FLI1: variants seen among roughly 807,000 people sequenced by gnomAD.
The protein encoded by FLI1 is Friend leukemia integration 1 transcription factor.
FLI1 carries 13 observed loss-of-function variants against 53.1 expected under a neutral mutation model. The observed-to-expected ratio is 0.24, with a 90% CI of 0.16 to 0.39. The LOEUF is 0.39. Among genes scored for constraint, FLI1 ranks in the 10% least tolerant of loss-of-function variants. FLI1 has a pLI of 1.00. For missense variants in FLI1, 424 were observed against 600.5 expected (o/e 0.71, Z 3.07); for synonymous variants, 244 against 236.7 (o/e 1.03, Z -0.28).
At position 128,810,905 on chromosome 11, in the gene FLI1, C is replaced by T. The variant is rs1235520274; in HGVS notation, c.1276C>T (p.Pro426Ser). Reference protein sequence around the residue: ...FGAASQYWTSPTGGIYPNPNV... With the variant: ...FGAASQYWTSSTGGIYPNPNV... Reference sequence around the variant, plus strand: ...AGCCGCATCACAATACTGGACCTCCCCCACGGGGGGAATCTACCCCAACCC... The same window carrying T: ...AGCCGCATCACAATACTGGACCTCCTCCACGGGGGGAATCTACCCCAACCC... The change falls in exon 9 of 9, where the codon CCC (proline) becomes TCC (serine). Residue 426 changes from proline (P) to serine (S), a missense_variant. Pro to Ser is a moderately conservative substitution (Grantham distance 74). Coordinates refer to ENST00000527786, the MANE Select transcript of FLI1 (RefSeq NM_002017.5). This position sits in a 1 kb window ranked among gnomAD's most constrained non-coding sequence, Gnocchi z 6.6. The T allele has an allele frequency of 3.7e-6, 6 of 1,613,934 alleles. No individual in the cohort carries two copies. Among genetic ancestry groups the T allele is most frequent in the Non-Finnish European group, 5.1e-6 (6 of 1,179,910 alleles).
chr11:128,764,978 G>A (rs1941275500), intron 2 of FLI1, among the ~76,000 whole-genome samples: 1 of 151,954 alleles, frequency 6.6e-6, no homozygotes. Context: ...TTTTCCAGAG[G>A]AGAAACACCC....
intron 5 of FLI1, among the ~76,000 whole-genome samples, chr11:128,787,784 A>G (rs1041361603): frequency 6.6e-6 from 1 of 150,556 alleles, no homozygotes; most frequent in African/African-American, 2.4e-5. Context: ...AGTAATTAAC[A>G]TTATTATTGA....
At position 128,801,037 on chromosome 11, in the gene FLI1, C is replaced by T. The variant is rs149662353; in HGVS notation, c.656-4329C>T. 2.0e-3 allele frequency among the ~76,000 whole-genome samples: 299 copies of T among 152,368 alleles called. 1 individual carries two copies. The highest frequency in any genetic ancestry group is 3.8e-3 in the Non-Finnish European group (256 of 68,032). On this transcript the variant is annotated intron_variant, in intron 5 of 8. Transcript: ENST00000527786. ...ATTAAGCCATCTGCCACCACAGAAACAGACCAAGATCATCAACTGGTACAC... is the reference window on the plus strand; with the variant it reads ...ATTAAGCCATCTGCCACCACAGAAATAGACCAAGATCATCAACTGGTACAC...
chr11:128,790,706 G>GTCCAC (rs1351309757), intron 5 of FLI1, among the ~76,000 whole-genome samples: 3 of 152,178 alleles, frequency 2.0e-5, no homozygotes, highest in African/African-American at 7.2e-5. Flanking sequence ...CTGAGTATCA[G>GTCCAC]TCCACTGCCT....
intron 2 of FLI1, among the ~76,000 whole-genome samples, chr11:128,758,954 T>A (rs1941001778): frequency 6.6e-6 from 1 of 152,194 alleles, no homozygotes; most frequent in Non-Finnish European, 1.5e-5. Flanking sequence ...GGCCTCAGTT[T>A]TGCGTCCTGC....
In FLI1 at chr11:128,721,305, C is replaced by T. The variant is rs888132819; in HGVS notation, c.18+27029C>T. Among the ~76,000 whole-genome samples the T allele has an allele frequency of 3.9e-5, 6 of 152,166 alleles. No homozygotes were observed. The South Asian group carries it at 8.3e-4, about 21-fold the overall frequency. On this transcript the variant is annotated intron_variant, in intron 1 of 8. Transcript: ENST00000527786. ...TACTTGGCACCTCCTATTCTCAGCA[C>T]GGTGTAGAATATAGGGATGGAAGAA...
At chr11:128,774,497 C>T (rs1941675167) in intron 4 of FLI1, among the ~76,000 whole-genome samples, 1 of 152,142 alleles carries the variant, frequency 6.6e-6, no homozygotes, top group Non-Finnish European at 1.5e-5. Flanking sequence ...GAACAGAGTC[C>T]TGCAGTGATC....
At chr11:128,692,966 G>A (rs1408521493), upstream of FLI1, 1 of 152,478 alleles carries the variant, frequency 6.6e-6, no homozygotes, top group Non-Finnish European at 1.5e-5. Flanking sequence ...ACGGTCCAGA[G>A]CGCGGGCCTC....
rs1185793989 is a variant in FLI1 at position 128,812,456 on chromosome 11, T to G, written c.*1468T>G. ...TTTCTTATTTACCGCCCCCGTTAGG[T>G]CAAAGGGTTTTCCCTGGGGAACTTT... On this transcript the variant is annotated 3_prime_UTR_variant, in exon 9 of 9. Coordinates refer to ENST00000527786, the MANE Select transcript of FLI1 (RefSeq NM_002017.5). The G allele has an allele frequency of 6.6e-5, 15 of 225,686 alleles. No individual in the cohort carries two copies. Among genetic ancestry groups the G allele is most frequent in the Non-Finnish European group, 1.1e-4 (12 of 113,330 alleles). The allele number at this position is 225,686 out of a possible 1,614,324, so 14.0% of individuals were successfully genotyped here. A position where few individuals can be genotyped will look rare whatever the true frequency, so the allele number is the denominator to read the frequency against.
chr11:128,734,756 C>T (rs1024496747), intron 1 of FLI1, among the ~76,000 whole-genome samples: 2 of 152,150 alleles, frequency 1.3e-5, no homozygotes, highest in East Asian at 1.9e-4. Context: ...CAGTGCATGC[C>T]ATCAATCAGC....
intron 1 of FLI1, among the ~76,000 whole-genome samples, chr11:128,738,978 G>T (rs536038208): frequency 6.6e-6 from 1 of 152,322 alleles, no homozygotes; most frequent in African/African-American, 2.4e-5. Context: ...GCTTGGTTTT[G>T]CATTTTCCCT....
At position 128,795,559 on chromosome 11, in the gene FLI1, A is replaced by ATTTTT. The variant is rs33948261; in HGVS notation, c.656-9793_656-9789dup. On this transcript the variant is annotated intron_variant, in intron 5 of 8. Coordinates refer to ENST00000527786, the MANE Select transcript of FLI1 (RefSeq NM_002017.5). The stretch of plus-strand genomic sequence containing the variant: ...AGGATGCGTTAGAATATAGAAAGCA[A>ATTTTT]TTTTTTTTTTTTTTTTTTGAGACAG... 1.1e-3 allele frequency among the ~76,000 whole-genome samples: 145 copies of ATTTTT among 136,430 alleles called. 3 individuals carry two copies. Among genetic ancestry groups the ATTTTT allele is most frequent in the African/African-American group, 3.8e-3 (137 of 36,082 alleles). The allele number at this position is 136,430 out of a possible 152,430, so 89.5% of individuals were successfully genotyped here.
At chr11:128,741,114 C>T (rs1293686364) in intron 1 of FLI1, among the ~76,000 whole-genome samples, 1 of 152,214 alleles carries the variant, frequency 6.6e-6, no homozygotes, top group East Asian at 1.9e-4. Flanking sequence ...AGTCACTCAG[C>T]CAGGCATGGT....
intron 8 of FLI1, among the ~76,000 whole-genome samples, chr11:128,809,609 A>G (rs1303486425): frequency 6.6e-6 from 1 of 152,224 alleles, no homozygotes; most frequent in Non-Finnish European, 1.5e-5. Context: ...GTGATTTTAG[A>G]AAGTGTTGCC....
At chr11:128,728,102 G>A (rs117944950) in intron 1 of FLI1, among the ~76,000 whole-genome samples, 2,609 of 152,322 alleles carry the variant, frequency 0.017, 27 homozygotes, top group Non-Finnish European at 0.025. Flanking sequence ...GAGTAGCTCC[G>A]CTTTAAGAGG....
chr11:128,720,971 C>T (rs2135735522), intron 1 of FLI1, among the ~76,000 whole-genome samples: 1 of 152,294 alleles, frequency 6.6e-6, no homozygotes, highest in Admixed American at 6.5e-5. Flanking sequence ...CACCCCCGGC[C>T]CTTCCCCCTC....
intron 1 of FLI1, among the ~76,000 whole-genome samples, chr11:128,751,833 T>G (rs1173547920): frequency 6.6e-6 from 1 of 151,070 alleles, no homozygotes; most frequent in Non-Finnish European, 1.5e-5. Context: ...TGGGTTTGTT[T>G]TTTTTTTTTT....
chr11:128,691,364 C>T (rs887470350), upstream of FLI1, among the ~76,000 whole-genome samples: 1 of 152,224 alleles, frequency 6.6e-6, no homozygotes, highest in Non-Finnish European at 1.5e-5. Flanking sequence ...GTGGGGCAAA[C>T]TGACCTACGG....
intron 5 of FLI1, among the ~76,000 whole-genome samples, chr11:128,797,256 T>C (rs1007080356): frequency 1.2e-4 from 18 of 152,226 alleles, no homozygotes; most frequent in African/African-American, 4.3e-4. Context: ...ATCTCACCTT[T>C]TACTATTCCT....
Sources: gnomAD v4.1 joint callset for allele counts (sites outside exome capture counted in the v4.1 genomes callset) on GRCh38, gnomAD v4.1.1 for gene constraint, Gnocchi (gnomAD v3.1) non-coding constraint, MANE v1.5 for transcripts, NCBI Gene and HGNC (gene_info 2026-07-23, HGNC 2026-07-21) for gene names.